The following AUTS2 variants were observed in gnomAD, a reference collection of about 807,000 sequenced individuals.
AUTS2 encodes activator of transcription and developmental regulator AUTS2.
In AUTS2, 17 loss-of-function variants were observed where a neutral mutation model predicts 112.4. The ratio of observed to expected loss-of-function variants is 0.15; its 90% CI spans 0.10 to 0.23. The LOEUF (loss-of-function observed/expected upper bound fraction) is 0.23. Ranked by LOEUF, AUTS2 falls within the 10% of genes least tolerant of loss-of-function variation. The pLI, the probability that AUTS2 is intolerant of heterozygous loss-of-function variation, is 1.00. For missense variants in AUTS2, 1,510 were observed against 1,701.6 expected (o/e 0.89, Z 1.98); for synonymous variants, 751 against 702.7 (o/e 1.07, Z -1.09).
At chr7:70,442,522 G>A (rs1013349430) in intron 5 of AUTS2, among the ~76,000 whole-genome samples, 11 of 152,068 alleles carry the variant, frequency 7.2e-5, no homozygotes, top group East Asian at 1.9e-4. Flanking sequence ...ATGGAGTCTC[G>A]CTCTGTCACC....
At position 70,763,361 on chromosome 7, in the gene AUTS2, T is replaced by C. The variant is rs968712155; in HGVS notation, c.1214+20T>C. The C allele has an allele frequency of 6.6e-7, 1 of 1,520,004 alleles. No homozygotes were observed. The highest frequency in any genetic ancestry group is 1.4e-5 in the African/African-American group (1 of 72,180). The allele number at this position is 1,520,004 out of a possible 1,614,324, so 94.2% of individuals were successfully genotyped here. A position where few individuals can be genotyped will look rare whatever the true frequency, so the allele number is the denominator to read the frequency against. On this transcript the variant is annotated intron_variant, in intron 7 of 18. Coordinates refer to ENST00000342771, the MANE Select transcript of AUTS2 (RefSeq NM_015570.4). ...TTTAAGGTGAGTGGCCTGCTCTTCT[T>C]TGGCCTGACTTTTGCCCTCTCCCTG...
intron 4 of AUTS2, among the ~76,000 whole-genome samples, chr7:70,174,501 CA>C (rs1223450898): frequency 6.6e-6 from 1 of 152,170 alleles, no homozygotes; most frequent in Non-Finnish European, 1.5e-5. Context: ...TTACTGTAGA[CA>C]AAACAGCCTT....
intron 4 of AUTS2, among the ~76,000 whole-genome samples, chr7:70,371,210 GC>G (rs1792821520): frequency 6.6e-6 from 1 of 152,240 alleles, no homozygotes; most frequent in Non-Finnish European, 1.5e-5. Flanking sequence ...CAGCGTTCAG[GC>G]CCTATCCTTG....
Position 70,521,217 on chromosome 7 carries a change from A to C in AUTS2, c.690+85436A>C, listed in dbSNP as rs113473385. On this transcript the variant is annotated intron_variant, in intron 5 of 18. Transcript: ENST00000342771. The stretch of plus-strand genomic sequence containing the variant: ...ATTTCTGGAATGAGGGTTCTTGTAC[A>C]TCCCATCATCAGCTCTCCTGGGCTT... 6.2e-3 allele frequency among the ~76,000 whole-genome samples: 937 copies of C among 152,282 alleles called. 12 individuals are homozygous for C. Among genetic ancestry groups the C allele is most frequent in the African/African-American group, 0.021 (881 of 41,546 alleles).
intron 1 of AUTS2, among the ~76,000 whole-genome samples, chr7:69,666,891 G>A (rs1190447276): frequency 6.6e-6 from 1 of 152,138 alleles, no homozygotes. Flanking sequence ...GAGAGAGTGA[G>A]ACTCTATCCC....
At chr7:69,803,139 A>G (rs1253728226) in intron 1 of AUTS2, among the ~76,000 whole-genome samples, 2 of 152,204 alleles carry the variant, frequency 1.3e-5, no homozygotes, top group East Asian at 3.8e-4. Context: ...GGCAATAATC[A>G]GTTTGGGGTC....
intron 5 of AUTS2, among the ~76,000 whole-genome samples, chr7:70,583,742 T>C (rs551736222): frequency 6.2e-4 from 95 of 152,344 alleles, no homozygotes; most frequent in Middle Eastern, 3.4e-3. Context: ...GCCGAGCAAC[T>C]CTGTCCTTCT....
chr7:69,880,390 T>C (rs1239065432), intron 1 of AUTS2, among the ~76,000 whole-genome samples: 1 of 152,196 alleles, frequency 6.6e-6, no homozygotes, highest in East Asian at 1.9e-4. Flanking sequence ...TAATAGTACC[T>C]GCATACAGAA....
At chr7:69,741,532 C>T (rs567138287) in intron 1 of AUTS2, among the ~76,000 whole-genome samples, 3 of 152,182 alleles carry the variant, frequency 2.0e-5, no homozygotes, top group African/African-American at 7.2e-5. Flanking sequence ...TGGCGAAACC[C>T]TGCCTCTACT....
At chr7:69,732,285 G>T (rs1336381985) in intron 1 of AUTS2, among the ~76,000 whole-genome samples, 2 of 152,108 alleles carry the variant, frequency 1.3e-5, no homozygotes, top group South Asian at 4.1e-4. Context: ...GCTTGCTGTT[G>T]TAAAGGTGGG....
intron 1 of AUTS2, among the ~76,000 whole-genome samples, chr7:69,644,984 C>A (rs538540805): frequency 7.2e-5 from 11 of 151,994 alleles, no homozygotes. Flanking sequence ...TTATAGCTCA[C>A]TGCAGCCTCA....
chr7:70,257,040 A>C (rs1189722237), intron 4 of AUTS2, among the ~76,000 whole-genome samples: 1 of 152,004 alleles, frequency 6.6e-6, no homozygotes. Context: ...CTTGCTCTTC[A>C]TTGTTTTTTA....
chr7:70,577,562 T>C (rs1802223450), intron 5 of AUTS2, among the ~76,000 whole-genome samples: 1 of 152,194 alleles, frequency 6.6e-6, no homozygotes, highest in African/African-American at 2.4e-5. Context: ...CAGTCTTAGC[T>C]ACTTAATTGA....
chr7:70,462,897 G>A (rs758503539), intron 5 of AUTS2, among the ~76,000 whole-genome samples: 16 of 152,064 alleles, frequency 1.1e-4, no homozygotes, highest in Non-Finnish European at 1.9e-4. Flanking sequence ...AGCGGAGATT[G>A]CAGTGACCCG....
chr7:70,501,788 T>G (rs1163073662), intron 5 of AUTS2, among the ~76,000 whole-genome samples: 26 of 152,310 alleles, frequency 1.7e-4, no homozygotes. Flanking sequence ...TCAGGAATAC[T>G]GTGCTGCCCT....
At chr7:70,483,614 A>C (rs1392603203) in intron 5 of AUTS2, among the ~76,000 whole-genome samples, 1 of 152,190 alleles carries the variant, frequency 6.6e-6, no homozygotes, top group Non-Finnish European at 1.5e-5. Context: ...CTCATCTGGA[A>C]AATGAAGATC....
intron 4 of AUTS2, among the ~76,000 whole-genome samples, chr7:70,396,294 A>G (rs921724392): frequency 1.3e-5 from 2 of 152,006 alleles, no homozygotes; most frequent in Admixed American, 1.3e-4. Flanking sequence ...ATGGATTACT[A>G]TTCATGTTTA....
At chr7:70,729,274 G>A (rs1787222076) in intron 6 of AUTS2, 1 of 439,242 alleles carries the variant, frequency 2.3e-6, no homozygotes, top group Admixed American at 2.4e-5. Flanking sequence ...CTACTCCTCT[G>A]CCTCTCTCCA....
intron 2 of AUTS2, among the ~76,000 whole-genome samples, chr7:70,027,391 T>G (rs1426768369): frequency 1.3e-5 from 2 of 152,206 alleles, no homozygotes; most frequent in Non-Finnish European, 2.9e-5. Context: ...TTTGTTAGTG[T>G]TTCTTCCTTG....
Sources: allele counts gnomAD v4.1 joint callset (sites outside exome capture counted in the v4.1 genomes callset), GRCh38; gene constraint gnomAD v4.1.1; transcripts MANE v1.5; gene names NCBI Gene and HGNC (gene_info 2026-07-23, HGNC 2026-07-21).